CLMP: variants seen among roughly 807,000 people sequenced by gnomAD.
CLMP encodes CXADR-like membrane protein.
CLMP carries 27 observed loss-of-function variants against 45.2 expected under a neutral mutation model. That is an observed-to-expected ratio of 0.60 (90% confidence interval 0.44 to 0.82). CLMP has a LOEUF of 0.82. Ranked by LOEUF, CLMP falls within the 40% of genes least tolerant of loss-of-function variation. The probability of loss-of-function intolerance (pLI) is 0.00; values close to 1 mark genes in which losing one functional copy is unlikely to be tolerated. For missense variants in CLMP, 403 were observed against 448.4 expected (o/e 0.90, Z 0.91); for synonymous variants, 167 against 171.4 (o/e 0.97, Z 0.20).
At chr11:123,137,351 A>C (rs1591473278) in intron 1 of CLMP, among the ~76,000 whole-genome samples, 1 of 151,048 alleles carries the variant, frequency 6.6e-6, no homozygotes, top group African/African-American at 2.4e-5. Flanking sequence ...GACGGGGTAG[A>C]CCTTTCTTAA....
chr11:123,136,414 G>C, intron 1 of CLMP: 1 of 433,270 alleles, frequency 2.3e-6, no homozygotes, highest in Non-Finnish European at 4.2e-6. Flanking sequence ...TTCTAGGGTG[G>C]TCCCCCCCAC....
intron 1 of CLMP, among the ~76,000 whole-genome samples, chr11:123,157,118 T>C (rs998504748): frequency 1.3e-5 from 2 of 151,860 alleles, no homozygotes; most frequent in South Asian, 2.1e-4. Flanking sequence ...CATCACAGAG[T>C]AGCCACAGAA....
intron 1 of CLMP, among the ~76,000 whole-genome samples, chr11:123,156,839 A>C (rs1207835563): frequency 6.6e-6 from 1 of 152,198 alleles, no homozygotes; most frequent in East Asian, 1.9e-4. Flanking sequence ...GCTGCAGGGA[A>C]AACCTCCATG....
At chr11:123,077,481 G>A (rs975251723) in intron 5 of CLMP, among the ~76,000 whole-genome samples, 6 of 152,050 alleles carry the variant, frequency 3.9e-5, no homozygotes, top group African/African-American at 1.4e-4. Flanking sequence ...ACAGGCATGC[G>A]CCACCACTCC....
intron 1 of CLMP, among the ~76,000 whole-genome samples, chr11:123,149,834 CAG>C (rs1861288704): frequency 6.7e-6 from 1 of 148,550 alleles, no homozygotes; most frequent in African/African-American, 2.5e-5. Flanking sequence ...TTTTTTTAGG[CAG>C]AGACTCACTC....
chr11:123,081,335 A>G (rs1296101197), intron 5 of CLMP, among the ~76,000 whole-genome samples: 2 of 152,200 alleles, frequency 1.3e-5, no homozygotes, highest in African/African-American at 4.8e-5. Context: ...AACTTGGTTT[A>G]TCCTGTCTTT....
At chr11:123,177,218 C>T (rs1861710888) in intron 1 of CLMP, among the ~76,000 whole-genome samples, 1 of 152,146 alleles carries the variant, frequency 6.6e-6, no homozygotes, top group Non-Finnish European at 1.5e-5. Context: ...GCCCTTCCCT[C>T]AAAATCCTCA....
intron 6 of CLMP, among the ~76,000 whole-genome samples, chr11:123,074,376 C>T (rs147579139): frequency 0.027 from 4,167 of 151,968 alleles, 112 homozygotes; most frequent in Admixed American, 0.075. Context: ...AAGATGGAGT[C>T]TAACTATGTT....
chr11:123,172,402 C>T (rs1190808944), intron 1 of CLMP, among the ~76,000 whole-genome samples: 1 of 151,372 alleles, frequency 6.6e-6, no homozygotes, highest in Non-Finnish European at 1.5e-5. Flanking sequence ...TGAGCCACCG[C>T]ACCCAGCCTA....
At chr11:123,086,559 A>G (rs1267777013) in intron 2 of CLMP, among the ~76,000 whole-genome samples, 1 of 152,224 alleles carries the variant, frequency 6.6e-6, no homozygotes, top group African/African-American at 2.4e-5. Flanking sequence ...TCTCAATCAG[A>G]TAAAACCTAT....
chr11:123,082,935 A>G, intron 5 of CLMP, 150 bp downstream of exon 5: 1 of 906,392 alleles, frequency 1.1e-6, no homozygotes, highest in Admixed American at 2.5e-5. Context: ...CTTTGCAACT[A>G]CTGAATTTAT....
At chr11:123,108,662 G>A (rs992740329) in intron 1 of CLMP, among the ~76,000 whole-genome samples, 3 of 152,106 alleles carry the variant, frequency 2.0e-5, no homozygotes, top group African/African-American at 7.2e-5. Flanking sequence ...GAAGGAAAAA[G>A]GAGGAGAGTG....
chr11:123,086,016 A>G (rs1865862250), intron 2 of CLMP, among the ~76,000 whole-genome samples: 1 of 151,946 alleles, frequency 6.6e-6, no homozygotes, highest in Admixed American at 6.6e-5. Flanking sequence ...ACCTCAGATG[A>G]TCTGCCTGCC....
At chr11:123,104,470 C>T (rs1375566529) in intron 1 of CLMP, among the ~76,000 whole-genome samples, 2 of 151,582 alleles carry the variant, frequency 1.3e-5, no homozygotes, top group Non-Finnish European at 2.9e-5. Flanking sequence ...CTGTAACCTC[C>T]GCCTCCCAGG....
chr11:123,164,630 A>G (rs1476612176), intron 1 of CLMP, among the ~76,000 whole-genome samples: 2 of 151,898 alleles, frequency 1.3e-5, no homozygotes, highest in Non-Finnish European at 2.9e-5. Context: ...AAATGAATGA[A>G]AAACTAATCA....
At chr11:123,172,741 C>T (rs1231308030) in intron 1 of CLMP, among the ~76,000 whole-genome samples, 3 of 152,196 alleles carry the variant, frequency 2.0e-5, no homozygotes, top group African/African-American at 4.8e-5. Flanking sequence ...CTGCCTTGGC[C>T]TCCCAAAGTG....
chr11:123,188,497 T>A (rs1266690286), intron 1 of CLMP, among the ~76,000 whole-genome samples: 4 of 152,050 alleles, frequency 2.6e-5, no homozygotes, highest in Non-Finnish European at 5.9e-5. Flanking sequence ...CTGCCACCGT[T>A]CGTGACCTGA....
intron 1 of CLMP, among the ~76,000 whole-genome samples, chr11:123,136,933 G>A (rs574964311): frequency 6.6e-6 from 1 of 152,060 alleles, no homozygotes; most frequent in South Asian, 2.1e-4. Flanking sequence ...TTATGGGGCT[G>A]GCTAATGGCA....
rs1294357491 is a variant in CLMP, at chr11:123,071,841, T to A, written c.*1633A>T. 1.3e-5 allele frequency: 2 copies of A among 152,248 alleles called. No individual in the cohort carries two copies. The highest frequency in any genetic ancestry group is 4.8e-5 in the African/African-American group (2 of 41,462). The allele number at this position is 152,248 out of a possible 1,614,324, so 9.4% of individuals were successfully genotyped here. ...TGTAGGTATCAAGAGTAATCAAAAC[T>A]ATTAAAAAGGCAAGTTATTGTATTG... On this transcript the variant is annotated 3_prime_UTR_variant, in exon 7 of 7. Transcript: ENST00000448775.
Sources: allele counts gnomAD v4.1 joint callset (sites outside exome capture counted in the v4.1 genomes callset), GRCh38; gene constraint gnomAD v4.1.1; transcripts MANE v1.5; gene names NCBI Gene and HGNC (gene_info 2026-07-23, HGNC 2026-07-21).